Variants in NPAS2 observed in about 807,000 individuals in gnomAD.
NPAS2 encodes neuronal PAS domain-containing protein 2.
In NPAS2, 23 loss-of-function variants were observed where a neutral mutation model predicts 107.5. That is an observed-to-expected ratio of 0.21 (90% confidence interval 0.15 to 0.30). The LOEUF (loss-of-function observed/expected upper bound fraction) is 0.30. Ranked by LOEUF, NPAS2 falls within the 10% of genes least tolerant of loss-of-function variation. The probability of loss-of-function intolerance (pLI) is 1.00; values close to 1 mark genes in which losing one functional copy is unlikely to be tolerated. For synonymous variants in NPAS2, 403 were observed against 417.5 expected, an observed-to-expected ratio of 0.97 and a Z score of 0.42; for missense variants, 756 against 1,043.3, an observed-to-expected ratio of 0.72 and a Z score of 3.79.
At chr2:100,836,613 C>G (rs186609500) in intron 1 of NPAS2, among the ~76,000 whole-genome samples, 48 of 152,264 alleles carry the variant, frequency 3.2e-4, no homozygotes, top group African/African-American at 1.1e-3. Flanking sequence ...AGGGGTGCCT[C>G]CGAGTTCCCA....
rs372772486 is a variant in NPAS2, at chr2:100,881,025, C to T, written c.-22-23708C>T. On this transcript the variant is annotated intron_variant, in intron 1 of 20. Coordinates refer to ENST00000335681, the MANE Select transcript of NPAS2 (RefSeq NM_002518.4). ...AGCAGCAGTTCTCACCCCGAGGACA[C>T]GTGGGATTCACTTGGTGGCACAAGA... is the stretch of plus-strand genomic sequence containing the variant. Among the ~76,000 whole-genome samples, 32 of 152,280 alleles carry T rather than the reference C, an allele frequency of 2.1e-4. No homozygotes were observed. The East Asian group carries it at 4.6e-3, about 22-fold the overall frequency.
In NPAS2 at chr2:100,990,331, A is replaced by C. The variant is rs1363865523; in HGVS notation, c.1903A>C (p.Ser635Arg). 1 of 1,614,184 alleles carries C rather than the reference A, an allele frequency of 6.2e-7. No individual in the cohort carries two copies. Among genetic ancestry groups the C allele is most frequent in the South Asian group, 1.1e-5 (1 of 91,086 alleles). Residue 635 changes from serine to arginine, a missense_variant, in exon 18 of 21, where the codon AGC (serine) becomes CGC (arginine). Physicochemically the swap from Ser to Arg is moderately radical, Grantham distance 110. Around this residue, in one of 4 missense-constraint regions of NPAS2, gnomAD observed 496 missense variants for 594.4 expected, o/e 0.83. Coordinates refer to ENST00000335681, the MANE Select transcript of NPAS2 (RefSeq NM_002518.4). Reference sequence around the variant, plus strand: ...TGGAAGCAGCCTAGTGTCCCCGTTCAGCAGCGCCACAGCTGCGCTCCCGCC... The same window carrying C: ...TGGAAGCAGCCTAGTGTCCCCGTTCCGCAGCGCCACAGCTGCGCTCCCGCC... ...RSGSSLVSPF[S>R]SATAALPPSL...
At chr2:100,890,513 G>A (rs1188675729) in intron 1 of NPAS2, among the ~76,000 whole-genome samples, 2 of 152,096 alleles carry the variant, frequency 1.3e-5, no homozygotes, top group Admixed American at 1.3e-4. Context: ...AGGTGTCCCT[G>A]TACCCTCAGG....
At chr2:100,849,631 C>T (rs770994881) in intron 1 of NPAS2, among the ~76,000 whole-genome samples, 7 of 152,182 alleles carry the variant, frequency 4.6e-5, no homozygotes, top group Non-Finnish European at 8.8e-5. Context: ...TGTATTTCCT[C>T]ACTCTCTGTA....
At chr2:100,895,618 G>A (rs967156720) in intron 1 of NPAS2, among the ~76,000 whole-genome samples, 4 of 151,930 alleles carry the variant, frequency 2.6e-5, no homozygotes, top group Admixed American at 6.6e-5. Flanking sequence ...CCTCCTCCCC[G>A]CCCCTCCACA....
chr2:100,888,807 T>A (rs1680868674), intron 1 of NPAS2, among the ~76,000 whole-genome samples: 1 of 152,164 alleles, frequency 6.6e-6, no homozygotes, highest in Admixed American at 6.5e-5. Flanking sequence ...GACTTCTGAC[T>A]CAGGCGGACA....
intron 12 of NPAS2, among the ~76,000 whole-genome samples, chr2:100,974,077 A>C (rs540761006): frequency 2.6e-4 from 40 of 152,258 alleles, no homozygotes; most frequent in African/African-American, 8.9e-4. Flanking sequence ...CCTGACCTCA[A>C]ATGATCCGCC....
chr2:100,900,976 A>G (rs1473174479), intron 1 of NPAS2, among the ~76,000 whole-genome samples: 1 of 148,634 alleles, frequency 6.7e-6, no homozygotes, highest in Non-Finnish European at 1.5e-5. Context: ...TATCCTTCCC[A>G]CTCTCCCACC....
chr2:100,991,454 A>G (rs964540677), intron 19 of NPAS2, among the ~76,000 whole-genome samples: 1 of 152,220 alleles, frequency 6.6e-6, no homozygotes, highest in Non-Finnish European at 1.5e-5. Flanking sequence ...ATGAGGCAGA[A>G]ATAGAGCTAT....
Position 100,965,115 on chromosome 2 carries a change from C to G in NPAS2, c.800+172C>G. Among the ~76,000 whole-genome samples, 1 of 152,220 alleles carries G rather than the reference C, an allele frequency of 6.6e-6. No individual in the cohort carries two copies. The highest frequency in any genetic ancestry group is 1.9e-4 in the East Asian group (1 of 5,184). On this transcript the variant is annotated intron_variant, in intron 9 of 20. Coordinates refer to ENST00000335681, the MANE Select transcript of NPAS2 (RefSeq NM_002518.4). This position sits in a 1 kb window ranked among gnomAD's most constrained non-coding sequence, Gnocchi z 4.3. ...GTGGGTGGTTTCCCTCCAACTTCAT[C>G]TGCCCCATCGTGAATATGTTCTGTG... is the stretch of plus-strand genomic sequence containing the variant.
At chr2:100,921,378 C>T (rs1683215405) in intron 2 of NPAS2, among the ~76,000 whole-genome samples, 1 of 152,146 alleles carries the variant, frequency 6.6e-6, no homozygotes, top group African/African-American at 2.4e-5. Flanking sequence ...AGTAAGTGCC[C>T]AGCAAATATT....
chr2:100,946,570 G>T (rs1021839169), intron 5 of NPAS2, among the ~76,000 whole-genome samples: 7 of 152,236 alleles, frequency 4.6e-5, no homozygotes, highest in African/African-American at 1.7e-4. Context: ...GGCAGAGGCT[G>T]AGCTGTGAAG....
chr2:100,929,612 A>T (rs1683812955), intron 3 of NPAS2, among the ~76,000 whole-genome samples: 1 of 152,212 alleles, frequency 6.6e-6, no homozygotes, highest in Non-Finnish European at 1.5e-5. Flanking sequence ...TTTGCAAGCC[A>T]GTTGACATCA....
At chr2:100,864,067 T>A (rs1679101940) in intron 1 of NPAS2, among the ~76,000 whole-genome samples, 1 of 152,204 alleles carries the variant, frequency 6.6e-6, no homozygotes, top group Non-Finnish European at 1.5e-5. Flanking sequence ...GAAGATGGGA[T>A]GTGTAGTGAG....
In NPAS2 at chr2:100,988,257, C is replaced by A; in HGVS notation, c.1808C>A (p.Ser603Ter). 2 of 1,613,772 alleles carry A rather than the reference C, an allele frequency of 1.2e-6. No homozygotes were observed. Among genetic ancestry groups the A allele is most frequent in the South Asian group, 2.2e-5 (2 of 91,060 alleles). ...ACAAGCCAGCACCTGCTCAGAGAATCAAGTGTGATATCAACCCAGGTAAAT... is the reference window on the plus strand; with the variant it reads ...ACAAGCCAGCACCTGCTCAGAGAATAAAGTGTGATATCAACCCAGGTAAAT... ...QVTSQHLLRE[S>*]SVISTQGPKP... Residue 603 changes from serine (S) to a stop codon, truncating the protein, a stop_gained, in exon 17 of 21, where the codon TCA (serine) becomes TAA (stop). Coordinates refer to ENST00000335681, the MANE Select transcript of NPAS2 (RefSeq NM_002518.4). LOFTEE classifies it high-confidence loss of function.
chr2:100,956,808 G>A (rs965413314), intron 7 of NPAS2, among the ~76,000 whole-genome samples: 30 of 152,178 alleles, frequency 2.0e-4, no homozygotes, highest in African/African-American at 7.2e-4. Context: ...TCGCCCACAT[G>A]GCTACCCGGG....
At chr2:100,955,448 AG>A (rs1056658583) in intron 7 of NPAS2, among the ~76,000 whole-genome samples, 1 of 152,148 alleles carries the variant, frequency 6.6e-6, no homozygotes, top group African/African-American at 2.4e-5. Context: ...CAGCTGGTGG[AG>A]GGCAGAGCAG....
chr2:100,960,970 T>G (rs1318397558), intron 7 of NPAS2, among the ~76,000 whole-genome samples: 2 of 152,144 alleles, frequency 1.3e-5, no homozygotes, highest in Non-Finnish European at 2.9e-5. Context: ...AAGAGTAAGG[T>G]CAATTTTGAG....
chr2:100,874,690 T>C (rs1679843309), intron 1 of NPAS2, among the ~76,000 whole-genome samples: 1 of 151,924 alleles, frequency 6.6e-6, no homozygotes, highest in Non-Finnish European at 1.5e-5. Flanking sequence ...TGCAGTGAGC[T>C]GAGATCACAC....
Sources: allele counts gnomAD v4.1 joint callset (sites outside exome capture counted in the v4.1 genomes callset), GRCh38; gene constraint gnomAD v4.1.1; regional missense constraint gnomAD v4.1.1; non-coding constraint Gnocchi (gnomAD v3.1); transcripts MANE v1.5; gene names NCBI Gene and HGNC (gene_info 2026-07-23, HGNC 2026-07-21).